Variants in KLRG2 observed in about 807,000 individuals in gnomAD.
The protein encoded by KLRG2 is killer cell lectin-like receptor subfamily G member 2.
Under a neutral mutation model 35.4 loss-of-function variants are expected in KLRG2, and 39 were observed. That is an observed-to-expected ratio of 1.10 (90% CI 0.85 to 1.44). KLRG2 has a LOEUF of 1.44. Ranked by LOEUF, KLRG2 falls within the 40% of genes most tolerant of loss-of-function variation. The probability of loss-of-function intolerance (pLI) is 0.00; values close to 1 mark genes in which losing one functional copy is unlikely to be tolerated. For missense variants in KLRG2, 632 were observed against 570.9 expected (o/e 1.11, Z -1.09); for synonymous variants, 283 against 265.8 (o/e 1.06, Z -0.63).
rs34409730 is a variant in KLRG2, at chr7:139,454,819, A to AAATAAT, written c.1006-611_1006-606dup. Among the ~76,000 whole-genome samples, 606 of 140,538 alleles carry AAATAAT rather than the reference A, an allele frequency of 4.3e-3. 1 individual carries two copies. Among genetic ancestry groups the AAATAAT allele is most frequent in the Middle Eastern group, 0.026 (7 of 272 alleles). 92.2% of individuals were successfully genotyped at this position (140,538 alleles called of 152,430 possible). On this transcript the variant is annotated intron_variant, in intron 3 of 4. Transcript: ENST00000340940. ...CTGACAAGAGGGAAATTCTATCTCA[A>AAATAAT]AATAATAATAATAATAATAATAATA...
intron 3 of KLRG2, 25 bp from the exon 4 acceptor site, chr7:139,454,239 A>T (rs1261980722): frequency 8.8e-7 from 1 of 1,132,786 alleles, no homozygotes; most frequent in Middle Eastern, 2.1e-4. Flanking sequence ...TAAGCTGGTC[A>T]CTCCCCTGGA....
chr7:139,449,851 C>G (rs541775746), downstream of KLRG2, among the ~76,000 whole-genome samples: 1 of 151,414 alleles, frequency 6.6e-6, no homozygotes, highest in African/African-American at 2.4e-5. Flanking sequence ...AGGCGCCCAC[C>G]ACCACGCTTG....
intron 3 of KLRG2, among the ~76,000 whole-genome samples, chr7:139,468,095 G>T (rs544448526): frequency 6.6e-6 from 1 of 152,182 alleles, no homozygotes; most frequent in Admixed American, 6.5e-5. Flanking sequence ...CCTTGTCTAT[G>T]AGGTAGAGAC....
At chr7:139,471,015 GTT>G (rs879491146) in intron 3 of KLRG2, among the ~76,000 whole-genome samples, 1 of 139,026 alleles carries the variant, frequency 7.2e-6, no homozygotes. Context: ...GATAATTTTT[GTT>G]TTTTTTTTTT....
chr7:139,431,013 GAA>G, the KLRG2 span, among the ~76,000 whole-genome samples: 3 of 92,604 alleles, frequency 3.2e-5, no homozygotes, highest in Admixed American at 1.3e-4. Flanking sequence ...CCCTGTCTCA[GAA>G]AAAAAAAAAA....
chr7:139,473,306 T>C (rs1400428334), intron 3 of KLRG2, among the ~76,000 whole-genome samples: 1 of 151,714 alleles, frequency 6.6e-6, no homozygotes, highest in Non-Finnish European at 1.5e-5. Flanking sequence ...AAGATAAAAA[T>C]AAATAAATAA....
chr7:139,445,793 G>GTATGTATATATATATA, the KLRG2 span, among the ~76,000 whole-genome samples: 6 of 95,550 alleles, frequency 6.3e-5, no homozygotes, highest in Non-Finnish European at 1.1e-4. Context: ...ATATATATAT[G>GTATGTATATATATATA]TGTGTATATA....
the KLRG2 span, among the ~76,000 whole-genome samples, chr7:139,441,087 A>C: frequency 2.0e-5 from 3 of 152,242 alleles, no homozygotes; most frequent in African/African-American, 7.2e-5. Flanking sequence ...TCTATCAAAA[A>C]ATACAAAAAA....
chr7:139,459,960 G>A (rs6467858), intron 3 of KLRG2, among the ~76,000 whole-genome samples: 3 of 151,974 alleles, frequency 2.0e-5, no homozygotes, highest in Non-Finnish European at 4.4e-5. Context: ...CCATGTTGGC[G>A]AGGATGGTCT....
chr7:139,428,977 A>C, the KLRG2 span, among the ~76,000 whole-genome samples: 1 of 152,296 alleles, frequency 6.6e-6, no homozygotes, highest in South Asian at 2.1e-4. Context: ...TATTTTTGAA[A>C]ATTTTCACAA....
intron 3 of KLRG2, among the ~76,000 whole-genome samples, chr7:139,456,343 GCTGT>G (rs1431972969): frequency 6.6e-6 from 1 of 152,074 alleles, no homozygotes; most frequent in Non-Finnish European, 1.5e-5. Context: ...ACAGAATAGA[GCTGT>G]CTCTTTTTTA....
chr7:139,454,690 C>T (rs1263007976), intron 3 of KLRG2, among the ~76,000 whole-genome samples: 3 of 151,708 alleles, frequency 2.0e-5, no homozygotes, highest in African/African-American at 7.3e-5. Context: ...GTGGCGGGCG[C>T]CTGTAATCCC....
chr7:139,456,528 A>G (rs1387579581), intron 3 of KLRG2, among the ~76,000 whole-genome samples: 2 of 151,928 alleles, frequency 1.3e-5, no homozygotes, highest in African/African-American at 4.8e-5. Context: ...ATGACGCCCA[A>G]TTTAGTAGAG....
chr7:139,464,800 C>T (rs901148500), intron 3 of KLRG2, among the ~76,000 whole-genome samples: 1 of 152,236 alleles, frequency 6.6e-6, no homozygotes, highest in Non-Finnish European at 1.5e-5. Context: ...TTAATATTTT[C>T]AGAGGCCCTC....
In KLRG2 at chr7:139,483,308, G is replaced by A; in HGVS notation, c.335C>T (p.Ala112Val). Residue 112 changes from alanine (A) to valine (V), a missense_variant, in exon 1 of 5, where the codon GCT becomes GTT. Ala to Val is a moderately conservative substitution (Grantham distance 64, BLOSUM62 0). Transcript: ENST00000340940. ...KLPRNGEAPG[A>V]EPAPSAWAPM... ...CGCCCAGGCGCTGGGCGCAGGCTCA[G>A]CCCCGGGCGCCTCGCCATTCCGGGG... 6.4e-7 allele frequency: 1 copy of A among 1,551,820 alleles called. No individual in the cohort carries two copies. The highest frequency in any genetic ancestry group is 8.6e-7 in the Non-Finnish European group (1 of 1,160,656).
chr7:139,429,611 A>G, the KLRG2 span, among the ~76,000 whole-genome samples: 1 of 151,832 alleles, frequency 6.6e-6, no homozygotes, highest in Non-Finnish European at 1.5e-5. Context: ...TCTGTTTAAC[A>G]AAGCACATCT....
At chr7:139,468,937 CGA>C (rs935602548) in intron 3 of KLRG2, among the ~76,000 whole-genome samples, 4 of 151,992 alleles carry the variant, frequency 2.6e-5, no homozygotes, top group Non-Finnish European at 4.4e-5. Context: ...TTAGACATGC[CGA>C]GAGACACTAG....
At chr7:139,431,427 T>TC in the KLRG2 span, among the ~76,000 whole-genome samples, 1 of 151,984 alleles carries the variant, frequency 6.6e-6, no homozygotes, top group Non-Finnish European at 1.5e-5. Context: ...ACACTTTTTT[T>TC]TTTTTCCTGT....
chr7:139,435,471 C>G, the KLRG2 span, among the ~76,000 whole-genome samples: 3 of 152,120 alleles, frequency 2.0e-5, no homozygotes, highest in African/African-American at 7.2e-5. Context: ...GCCTGGGTGA[C>G]AGAGCGAGAC....
Sources: gnomAD v4.1 joint callset for allele counts (sites outside exome capture counted in the v4.1 genomes callset) on GRCh38, gnomAD v4.1.1 for gene constraint, MANE v1.5 for transcripts, NCBI Gene and HGNC (gene_info 2026-07-23, HGNC 2026-07-21) for gene names.